MED13L: variants seen among roughly 807,000 people sequenced by gnomAD.
The protein encoded by MED13L is mediator of RNA polymerase II transcription subunit 13-like.
In MED13L, 7 loss-of-function variants were observed where a neutral mutation model predicts 220.9. The observed-to-expected ratio is 0.03, with a 90% confidence interval of 0.02 to 0.06. The LOEUF (loss-of-function observed/expected upper bound fraction) is 0.06. Ranked by LOEUF, MED13L falls within the 10% of genes least tolerant of loss-of-function variation. The pLI is 1.00. For synonymous variants in MED13L, 1,011 were observed against 1,015.2 expected (o/e 1.00, Z 0.08); for missense variants, 1,965 against 2,760.5 (o/e 0.71, Z 6.46).
chr12:116,196,626 C>G (rs1284885081), intron 2 of MED13L, among the ~76,000 whole-genome samples: 1 of 152,138 alleles, frequency 6.6e-6, no homozygotes, highest in African/African-American at 2.4e-5. Context: ...CTACTGCCAT[C>G]AACACAATTT....
Position 116,007,358 on chromosome 12 carries a change from T to C in MED13L, c.2238+53A>G. The C allele has an allele frequency of 2.0e-6, 3 of 1,516,876 alleles. No homozygotes were observed. The African/African-American group carries it at 4.1e-5, about 21-fold the overall frequency. The allele number at this position is 1,516,876 out of a possible 1,614,324, so 94.0% of individuals were successfully genotyped here. ...CAAAGTCTTCCCACACATGTTGTACTGACATAGATAGAAACCCACACCATG... is the reference window on the plus strand; with the variant it reads ...CAAAGTCTTCCCACACATGTTGTACCGACATAGATAGAAACCCACACCATG... On this transcript the variant is annotated intron_variant, in intron 11 of 30. Transcript: ENST00000281928.
chr12:115,965,056 A>G (rs1876046195), intron 29 of MED13L, among the ~76,000 whole-genome samples: 4 of 152,254 alleles, frequency 2.6e-5, no homozygotes, highest in Admixed American at 1.3e-4. Context: ...ATAGTATGTT[A>G]AAGTCATTAG....
chr12:116,184,604 G>C (rs1880754545), intron 2 of MED13L, among the ~76,000 whole-genome samples: 1 of 152,156 alleles, frequency 6.6e-6, no homozygotes, highest in African/African-American at 2.4e-5. Flanking sequence ...ATCCAACCTA[G>C]AATGTGAACA....
chr12:116,055,159 G>T (rs751615943), intron 4 of MED13L, among the ~76,000 whole-genome samples: 3 of 152,052 alleles, frequency 2.0e-5, no homozygotes, highest in Non-Finnish European at 4.4e-5. Flanking sequence ...CCTTTGAGGG[G>T]GAAATGACTA....
intron 16 of MED13L, among the ~76,000 whole-genome samples, chr12:115,995,674 C>T (rs1209052261): frequency 1.3e-5 from 2 of 152,178 alleles, no homozygotes; most frequent in Non-Finnish European, 2.9e-5. Flanking sequence ...CCATCCACCT[C>T]GGCCTCCCAA....
At chr12:116,030,859 C>A (rs968961513) in intron 4 of MED13L, among the ~76,000 whole-genome samples, 2 of 152,030 alleles carry the variant, frequency 1.3e-5, no homozygotes, top group East Asian at 3.9e-4. Context: ...ACTAAAAAAA[C>A]CCATCCACCC....
intron 3 of MED13L, among the ~76,000 whole-genome samples, chr12:116,103,999 C>CTT (rs36066243): frequency 0.014 from 789 of 57,452 alleles, 121 homozygotes; most frequent in Middle Eastern, 0.031. Context: ...GGACATTGCT[C>CTT]TTTTTTTTTT....
chr12:115,986,988 T>C (rs1221946039), intron 18 of MED13L, 121 bp downstream of exon 18: 12 of 1,014,178 alleles, frequency 1.2e-5, no homozygotes, highest in East Asian at 7.4e-5. Context: ...TAAAACTAAA[T>C]GGTCAAAGAA....
At chr12:116,127,000 A>G (rs962432885) in intron 2 of MED13L, among the ~76,000 whole-genome samples, 2 of 152,230 alleles carry the variant, frequency 1.3e-5, no homozygotes, top group African/African-American at 4.8e-5. Flanking sequence ...TAAAAAATAT[A>G]TATATTTTCC....
intron 2 of MED13L, among the ~76,000 whole-genome samples, chr12:116,130,451 C>T (rs765243924): frequency 2.0e-5 from 3 of 151,986 alleles, no homozygotes; most frequent in Non-Finnish European, 4.4e-5. Context: ...CTAGTTTTTC[C>T]AAAAATATTA....
intron 3 of MED13L, among the ~76,000 whole-genome samples, chr12:116,098,455 CA>C (rs1872799196): frequency 6.6e-6 from 1 of 152,116 alleles, no homozygotes; most frequent in Non-Finnish European, 1.5e-5. Context: ...AGTTATATAG[CA>C]ATTCTTTATT....
chr12:115,990,467 C>T (rs1877982900), intron 17 of MED13L, among the ~76,000 whole-genome samples: 1 of 152,184 alleles, frequency 6.6e-6, no homozygotes, highest in Non-Finnish European at 1.5e-5. Flanking sequence ...GAAAAGGAAA[C>T]AGCAAGTTGC....
intron 2 of MED13L, among the ~76,000 whole-genome samples, chr12:116,160,757 ATT>A (rs112094891): frequency 2.1e-5 from 3 of 140,306 alleles, no homozygotes; most frequent in Non-Finnish European, 1.6e-5. Flanking sequence ...TTTATTTTTT[ATT>A]TTTTTTTTTT....
intron 3 of MED13L, among the ~76,000 whole-genome samples, chr12:116,102,119 G>A (rs998425893): frequency 2.0e-5 from 3 of 152,202 alleles, no homozygotes; most frequent in Non-Finnish European, 4.4e-5. Flanking sequence ...GAAAACAGCT[G>A]CTGAAAAATG....
At chr12:116,145,660 T>C (rs1877427497) in intron 2 of MED13L, among the ~76,000 whole-genome samples, 1 of 63,218 alleles carries the variant, frequency 1.6e-5, no homozygotes, top group Non-Finnish European at 2.8e-5. Flanking sequence ...CACTCAACTC[T>C]ATTTATTTAT....
chr12:116,197,620 G>C (rs1035269687), intron 2 of MED13L, among the ~76,000 whole-genome samples: 2 of 152,048 alleles, frequency 1.3e-5, no homozygotes, highest in African/African-American at 4.8e-5. Flanking sequence ...TACAAAATTA[G>C]CCGGACATGG....
intron 2 of MED13L, among the ~76,000 whole-genome samples, chr12:116,115,604 T>C (rs1306172444): frequency 1.3e-5 from 2 of 151,646 alleles, no homozygotes; most frequent in African/African-American, 2.4e-5. Context: ...ACAAATCACA[T>C]ATCTGACAAG....
chr12:116,106,618 G>A (rs142080395), intron 3 of MED13L, among the ~76,000 whole-genome samples: 41 of 152,306 alleles, frequency 2.7e-4, no homozygotes, highest in Non-Finnish European at 5.1e-4. Context: ...GCCGAAGTGG[G>A]CAGATCACTT....
chr12:116,062,742 G>A (rs372686378), intron 4 of MED13L, among the ~76,000 whole-genome samples: 8 of 151,884 alleles, frequency 5.3e-5, no homozygotes, highest in South Asian at 4.2e-4. Flanking sequence ...CAACTCACCC[G>A]GCCTCAGTAT....
Sources: allele counts gnomAD v4.1 joint callset (sites outside exome capture counted in the v4.1 genomes callset), GRCh38; gene constraint gnomAD v4.1.1; transcripts MANE v1.5; gene names NCBI Gene and HGNC (gene_info 2026-07-23, HGNC 2026-07-21).